The following CLEC2A variants were observed in gnomAD, a reference collection of about 807,000 sequenced individuals.
The protein encoded by CLEC2A is C-type lectin domain family 2 member A, also known as keratinocyte-associated C-type lectin.
A neutral mutation model predicts 18.6 loss-of-function variants in CLEC2A; 19 were observed. That is an observed-to-expected ratio of 1.02 (90% CI 0.71 to 1.50). The LOEUF (loss-of-function observed/expected upper bound fraction) is 1.50, where lower values mean the gene tolerates loss of function less well. Among genes scored for constraint, CLEC2A ranks in the 40% most tolerant of loss-of-function variants. CLEC2A has a pLI of 0.00. For synonymous variants in CLEC2A, 74 were observed against 64.0 expected, an observed-to-expected ratio of 1.16 and a Z score of -0.75; for missense variants, 190 against 207.9, an observed-to-expected ratio of 0.91 and a Z score of 0.53.
the CLEC2A span, among the ~76,000 whole-genome samples, chr12:9,888,987 G>GA: frequency 6.6e-6 from 1 of 151,592 alleles, no homozygotes; most frequent in Non-Finnish European, 1.5e-5. Context: ...TTTCTAGGAG[G>GA]AAAAAAAATA....
chr12:9,892,921 T>C, the CLEC2A span: 1 of 1,077,132 alleles, frequency 9.3e-7, no homozygotes, highest in Non-Finnish European at 1.3e-6. Context: ...AAAAAATGAG[T>C]TGGAAAAATC....
the CLEC2A span, among the ~76,000 whole-genome samples, chr12:9,882,529 G>A: frequency 2.6e-5 from 4 of 152,088 alleles, no homozygotes; most frequent in African/African-American, 9.7e-5. Context: ...TGTAATCCCA[G>A]CACTTTGGGA....
rs373859719 is a variant in CLEC2A at position 9,913,625 on chromosome 12, T to G, written c.466A>C (p.Ser156Arg). 93 of 1,550,136 alleles carry G rather than the reference T, an allele frequency of 6.0e-5. 2 individuals are homozygous for G. In the Middle Eastern group the frequency reaches 1.2e-3, roughly 19 times the overall value. The change falls in exon 5 of 5, where the codon AGT (serine) becomes CGT (arginine). Residue 156 changes from serine to arginine, a missense_variant. Physicochemically the swap from Ser to Arg is moderately radical, Grantham distance 110. Transcript: ENST00000455827. The part of the protein sequence containing the change: ...FAFLSADGVH[S>R]SRGFIDIKWI... The stretch of plus-strand genomic sequence containing the variant: ...TTGATATCAATAAATCCTCTGGAAC[T>G]ATGGACTCCATCAGCACTCAAGAAA...
In CLEC2A at chr12:9,926,293, TACTC is replaced by T; in HGVS notation, c.102_105del (p.Ser35LeufsTer10). 1 of 1,549,042 alleles carries T rather than the reference TACTC, an allele frequency of 6.5e-7. No homozygotes were observed. Among genetic ancestry groups the T allele is most frequent in the East Asian group, 2.4e-5 (1 of 40,858 alleles). On this transcript the variant is annotated frameshift_variant, in exon 2 of 5. Coordinates refer to ENST00000455827, the MANE Select transcript of CLEC2A (RefSeq NM_001130711.2). LOFTEE classifies it high-confidence loss of function. Reference sequence around the variant, plus strand: ...ATAATGCAAACTGTAGTAATAATAATACTCAGGAAGCACATAAGGCCAATCTTCC... The same window carrying T: ...ATAATGCAAACTGTAGTAATAATAATAGGAAGCACATAAGGCCAATCTTCC...
At chr12:9,911,403 C>A (rs1243039549), downstream of CLEC2A, among the ~76,000 whole-genome samples, 1 of 152,186 alleles carries the variant, frequency 6.6e-6, no homozygotes, top group African/African-American at 2.4e-5. Flanking sequence ...AATTTATCCT[C>A]TCTGGCATGA....
rs868115316 is a variant in CLEC2A, at chr12:9,905,254, C to T, written c.411-6278G>A. Among the ~76,000 whole-genome samples, 28 of 152,250 alleles carry T rather than the reference C, an allele frequency of 1.8e-4. No individual in the cohort carries two copies. In the Middle Eastern group the frequency reaches 0.027, roughly 148 times the overall value. On this transcript the variant is annotated intron_variant, in intron 4 of 4. Coordinates refer to the CLEC2A transcript ENST00000339766. The stretch of plus-strand genomic sequence containing the variant: ...GTGTGTCCATCTCCTTTCAGCTGTG[C>T]GGTGCTTTCTATAATCAGGAGCACT...
chr12:9,896,860 T>TG (rs1433168171), downstream of CLEC2A, among the ~76,000 whole-genome samples: 1 of 131,376 alleles, frequency 7.6e-6, no homozygotes, highest in Non-Finnish European at 1.6e-5. Flanking sequence ...GTCTCTTAAT[T>TG]TTTTTTTTTT....
chr12:9,919,004 C>T (rs776268136), intron 3 of CLEC2A, among the ~76,000 whole-genome samples: 14 of 152,068 alleles, frequency 9.2e-5, no homozygotes, highest in African/African-American at 7.2e-5. Flanking sequence ...CAGTAGGTTG[C>T]GCTTGGACGT....
chr12:9,929,845 T>C (rs1244896873), intron 1 of CLEC2A, among the ~76,000 whole-genome samples: 1 of 152,162 alleles, frequency 6.6e-6, no homozygotes, highest in Non-Finnish European at 1.5e-5. Context: ...TAGATTACTC[T>C]ATTTTAGTTG....
In CLEC2A at chr12:9,908,145, C is replaced by A. The variant is rs538416172; in HGVS notation, c.410+8555G>T. Among the ~76,000 whole-genome samples the A allele has an allele frequency of 1.6e-4, 25 of 152,270 alleles. No individual in the cohort carries two copies. In the South Asian group the frequency reaches 2.5e-3, roughly 15 times the overall value. The stretch of plus-strand genomic sequence containing the variant: ...TTCTAGGGGAATGGGATATTGTTTT[C>A]TTCTTACTACCTCCCCAGCAGTTTT... On this transcript the variant is annotated intron_variant, in intron 4 of 4. Transcript: ENST00000339766.
intron 4 of CLEC2A, among the ~76,000 whole-genome samples, chr12:9,906,003 T>C (rs924145023): frequency 3.3e-5 from 5 of 149,298 alleles, no homozygotes; most frequent in Non-Finnish European, 1.5e-5. Context: ...GGTGATTTTC[T>C]TGGAGCCCAC....
In CLEC2A at chr12:9,913,458, A is replaced by G. The variant is rs1358285114; in HGVS notation, c.*108T>C. ...TCTATAAACTAGAAAATGGGCCCTC[A>G]CCAGAGGTTCCGTATTCTGTAACAG... On this transcript the variant is annotated 3_prime_UTR_variant, in exon 5 of 5. Transcript: ENST00000455827. 2 of 1,436,944 alleles carry G rather than the reference A, an allele frequency of 1.4e-6. No homozygotes were observed. Among genetic ancestry groups the G allele is most frequent in the Non-Finnish European group, 1.8e-6 (2 of 1,103,744 alleles). The allele number at this position is 1,436,944 out of a possible 1,614,324, so 89.0% of individuals were successfully genotyped here. A position where few individuals can be genotyped will look rare whatever the true frequency, so the allele number is the denominator to read the frequency against.
intron 4 of CLEC2A, among the ~76,000 whole-genome samples, chr12:9,906,789 G>A (rs138954275): frequency 1.9e-3 from 284 of 152,272 alleles, no homozygotes; most frequent in African/African-American, 5.5e-3. Context: ...GTTTTGAAAG[G>A]TGTGTCTTCT....
chr12:9,903,512 T>C (rs1173347284), intron 4 of CLEC2A, among the ~76,000 whole-genome samples: 1 of 152,232 alleles, frequency 6.6e-6, no homozygotes, highest in Non-Finnish European at 1.5e-5. Context: ...GAAGACATTG[T>C]GATGCTTTTG....
At chr12:9,928,901 A>G (rs1403637178) in intron 1 of CLEC2A, among the ~76,000 whole-genome samples, 1 of 152,214 alleles carries the variant, frequency 6.6e-6, no homozygotes, top group Non-Finnish European at 1.5e-5. Flanking sequence ...TTGAAGTACA[A>G]AAATGTATAA....
intron 3 of CLEC2A, among the ~76,000 whole-genome samples, chr12:9,918,618 TTTTC>T (rs1863111777): frequency 6.6e-6 from 1 of 152,260 alleles, no homozygotes; most frequent in South Asian, 2.1e-4. Flanking sequence ...TAAAATAGTT[TTTTC>T]TTTCTAATTT....
the CLEC2A span, among the ~76,000 whole-genome samples, chr12:9,884,207 T>C: frequency 6.6e-6 from 1 of 152,100 alleles, no homozygotes; most frequent in Non-Finnish European, 1.5e-5. Flanking sequence ...GTTTAACCTC[T>C]CTAGAGATTA....
the CLEC2A span, chr12:9,881,598 G>A: frequency 6.5e-7 from 1 of 1,530,986 alleles, no homozygotes; most frequent in South Asian, 1.2e-5. Flanking sequence ...TTGAAGAGAT[G>A]GAGAATGAAG....
At chr12:9,911,391 G>C (rs1453423068), downstream of CLEC2A, among the ~76,000 whole-genome samples, 1 of 152,106 alleles carries the variant, frequency 6.6e-6, no homozygotes. Context: ...CCTTTGAAGA[G>C]GAATTTATCC....
Sources: allele counts gnomAD v4.1 joint callset (sites outside exome capture counted in the v4.1 genomes callset), GRCh38; gene constraint gnomAD v4.1.1; transcripts MANE v1.5; gene names NCBI Gene and HGNC (gene_info 2026-07-23, HGNC 2026-07-21).